The following NCOR2 variants were observed in gnomAD, a reference collection of about 807,000 sequenced individuals.
The protein encoded by NCOR2 is CTG repeat protein 26.
NCOR2 carries 81 observed loss-of-function variants against 262.9 expected under a neutral mutation model. The observed-to-expected ratio is 0.31, with a 90% confidence interval of 0.26 to 0.37. NCOR2 has a LOEUF of 0.37. NCOR2 is among the 10% of genes least tolerant of loss of function. NCOR2 has a pLI of 1.00. For synonymous variants in NCOR2, 1,659 were observed against 1,559.3 expected, an observed-to-expected ratio of 1.06 and a Z score of -1.51; for missense variants, 3,385 against 3,621.4, an observed-to-expected ratio of 0.93 and a Z score of 1.68.
chr12:124,330,919 G>T, intron 43 of NCOR2, 21 bp from the exon 46 acceptor site: 1 of 1,572,388 alleles, frequency 6.4e-7, no homozygotes, highest in Non-Finnish European at 8.6e-7. Flanking sequence ...GTGACAGAGT[G>T]GGTGAGGCCC....
intron 1 of NCOR2, among the ~76,000 whole-genome samples, chr12:124,527,787 T>C (rs1300443487): frequency 1.3e-5 from 2 of 152,208 alleles, no homozygotes; most frequent in African/African-American, 4.8e-5. Flanking sequence ...TTAGGACTGC[T>C]GCTGTCACTG....
rs1370130871 is a variant in NCOR2, at chr12:124,443,531, C to G, written c.816-5535G>C. 6.6e-6 allele frequency among the ~76,000 whole-genome samples: 1 copy of G among 152,054 alleles called. No homozygotes were observed. The highest frequency in any genetic ancestry group is 2.4e-5 in the African/African-American group (1 of 41,402). ...TTTTTATTTTTTTGAGATGGAGTCT[C>G]TTGCTCTGTCACCTAGGCTGGAGTG... On this transcript the variant is annotated intron_variant, in intron 7 of 46. Transcript: ENST00000405201. This position sits in a 1 kb window ranked among gnomAD's most constrained non-coding sequence, Gnocchi z 4.4.
intron 7 of NCOR2, among the ~76,000 whole-genome samples, chr12:124,439,862 G>T (rs187023910): frequency 6.6e-6 from 1 of 151,904 alleles, no homozygotes; most frequent in East Asian, 1.9e-4. Flanking sequence ...GACAAGACCC[G>T]AAGAAAGGGG....
intron 20 of NCOR2, among the ~76,000 whole-genome samples, chr12:124,371,295 C>G (rs1272546068): frequency 6.6e-6 from 1 of 151,760 alleles, no homozygotes; most frequent in Non-Finnish European, 1.5e-5. Context: ...CTCGGGCCTT[C>G]GCACTTGCTG....
chr12:124,499,768 G>A (rs1480483890), upstream of NCOR2, among the ~76,000 whole-genome samples: 1 of 152,192 alleles, frequency 6.6e-6, no homozygotes, highest in African/African-American at 2.4e-5. Context: ...CAGGGCAGTG[G>A]GGAGCCACAG....
chr12:124,491,524 G>A (rs1183522848), intron 1 of NCOR2, among the ~76,000 whole-genome samples: 2 of 152,216 alleles, frequency 1.3e-5, no homozygotes, highest in Non-Finnish European at 2.9e-5. Context: ...CTGCGGCATA[G>A]AGAGGTTAAG....
chr12:124,392,497 TCA>T (rs1236100745), intron 16 of NCOR2, among the ~76,000 whole-genome samples: 2 of 151,872 alleles, frequency 1.3e-5, no homozygotes, highest in Non-Finnish European at 2.9e-5. Flanking sequence ...CCCTCCTGAG[TCA>T]CACAGCTCGA....
rs923237257 is a variant in NCOR2, at chr12:124,503,243, A to C, written c.-117-7875T>G. Among the ~76,000 whole-genome samples, 1 of 152,242 alleles carries C rather than the reference A, an allele frequency of 6.6e-6. No homozygotes were observed. Among genetic ancestry groups the C allele is most frequent in the African/African-American group, 2.4e-5 (1 of 41,470 alleles). ...TACAGCAGTGACCAAGTCAGACAAAAGGCAAAAGGCCCTGCTGACCACGGC... is the reference window on the plus strand; with the variant it reads ...TACAGCAGTGACCAAGTCAGACAAACGGCAAAAGGCCCTGCTGACCACGGC... On this transcript the variant is annotated intron_variant, in intron 1 of 46. Transcript: ENST00000404621. This position sits in a 1 kb window ranked among gnomAD's most constrained non-coding sequence, Gnocchi z 4.3.
intron 44 of NCOR2, among the ~76,000 whole-genome samples, chr12:124,328,347 T>G (rs1310586311): frequency 6.6e-6 from 1 of 152,136 alleles, no homozygotes; most frequent in Admixed American, 6.5e-5. Context: ...TTACGGTGCG[T>G]GCAGGGGACA....
chr12:124,528,933 A>G (rs1276868536), intron 1 of NCOR2, among the ~76,000 whole-genome samples: 1 of 152,194 alleles, frequency 6.6e-6, no homozygotes. Context: ...TAATCCCAAC[A>G]GTTTGGGAGG....
chr12:124,418,734 T>C (rs1443594155), intron 13 of NCOR2, among the ~76,000 whole-genome samples: 1 of 152,172 alleles, frequency 6.6e-6, no homozygotes, highest in East Asian at 1.9e-4. Context: ...AGGCCACACG[T>C]CTGGCTTGGC....
intron 4 of NCOR2, among the ~76,000 whole-genome samples, chr12:124,466,995 ACCC>A (rs1176172397): frequency 3.1e-4 from 24 of 78,534 alleles, no homozygotes; most frequent in African/African-American, 9.7e-4. Flanking sequence ...CATCCTCATC[ACCC>A]CCATCATCCT....
At chr12:124,345,218 C>G (rs1051797855) in intron 31 of NCOR2, among the ~76,000 whole-genome samples, 9 of 152,158 alleles carry the variant, frequency 5.9e-5, no homozygotes, top group Admixed American at 5.9e-4. Context: ...TCAACTCTCC[C>G]TGCCGCGAGT....
chr12:124,500,859 T>C (rs2048663983), intron 1 of NCOR2, among the ~76,000 whole-genome samples: 1 of 151,930 alleles, frequency 6.6e-6, no homozygotes, highest in Non-Finnish European at 1.5e-5. Context: ...GTGTGGGAGC[T>C]ACAGGATGTG....
At chr12:124,468,935 ATCATCCTCATCACCCCCATCACCC>A (rs2046686980) in intron 4 of NCOR2, among the ~76,000 whole-genome samples, 1 of 11,192 alleles carries the variant, frequency 8.9e-5, no homozygotes, top group African/African-American at 4.6e-4. Context: ...CATCACCCCC[ATCATCCTCATCACCCCCATCACCC>A]TCATCCTCAT....
rs2042024466 is a variant in NCOR2, at chr12:124,402,257, C to A, written c.1640+147G>T. 6.1e-6 allele frequency: 9 copies of A among 1,473,996 alleles called. No homozygotes were observed. The Admixed American group carries it at 1.8e-4, about 30-fold the overall frequency. The allele number at this position is 1,473,996 out of a possible 1,614,324, so 91.3% of individuals were successfully genotyped here. On this transcript the variant is annotated intron_variant, in intron 14 of 46. Transcript: ENST00000405201. ...GGTGGGCTTCCGGAAGGGGGGCTGT[C>A]AGGGGCAAACGAGCAGAAAGCCCTC...
At chr12:124,491,502 C>T (rs957502809) in intron 1 of NCOR2, among the ~76,000 whole-genome samples, 2 of 152,192 alleles carry the variant, frequency 1.3e-5, no homozygotes, top group Non-Finnish European at 2.9e-5. Context: ...TGCTATGAAC[C>T]AGTCTTCAAT....
intron 7 of NCOR2, among the ~76,000 whole-genome samples, chr12:124,448,311 G>T (rs965448140): frequency 3.3e-5 from 5 of 152,190 alleles, no homozygotes; most frequent in African/African-American, 1.2e-4. Context: ...AGCAAGGCAG[G>T]TCCCAGGAAG....
intron 7 of NCOR2, among the ~76,000 whole-genome samples, chr12:124,438,744 C>CAG (rs141961803): frequency 2.5e-4 from 25 of 99,506 alleles, no homozygotes; most frequent in South Asian, 9.6e-4. Context: ...AACAGAGAAC[C>CAG]AGAGAGAGAG....
Sources: allele counts gnomAD v4.1 joint callset (sites outside exome capture counted in the v4.1 genomes callset), GRCh38; gene constraint gnomAD v4.1.1; non-coding constraint Gnocchi (gnomAD v3.1); transcripts MANE v1.5; gene names NCBI Gene and HGNC (gene_info 2026-07-23, HGNC 2026-07-21).